Variants in ZMYND8 observed in about 807,000 individuals in gnomAD.
ZMYND8 encodes the protein MYND-type zinc finger-containing chromatin reader ZMYND8.
In ZMYND8, 37 loss-of-function variants were observed where a neutral mutation model predicts 140.8. That is an observed-to-expected ratio of 0.26 (90% CI 0.20 to 0.35). The LOEUF is 0.35. Ranked by LOEUF, ZMYND8 falls within the 10% of genes least tolerant of loss-of-function variation. The pLI is 1.00. For missense variants in ZMYND8, 1,068 were observed against 1,570.0 expected (o/e 0.68, Z 5.40); for synonymous variants, 592 against 597.1 (o/e 0.99, Z 0.12).
rs985108771 is a variant in ZMYND8, at chr20:47,298,223, G to A, written c.453+506C>T. 9.3e-6 allele frequency: 9 copies of A among 968,678 alleles called. No individual in the cohort carries two copies. Among genetic ancestry groups the A allele is most frequent in the East Asian group, 1.1e-4 (1 of 8,764 alleles). 60.0% of individuals were successfully genotyped at this position (968,678 alleles called of 1,614,324 possible). ...TCCATGCCTGTTTTTGTGCACTGTC[G>A]AATTCCCAGCACCTAATAGGCACTC... On this transcript the variant is annotated intron_variant, in intron 4 of 22. Transcript: ENST00000471951. This position sits in a 1 kb window ranked among gnomAD's most constrained non-coding sequence, Gnocchi z 5.0.
At chr20:47,354,474 G>A (rs1323482323) in intron 1 of ZMYND8, 2 of 152,118 alleles carry the variant, frequency 1.3e-5, no homozygotes, top group East Asian at 3.8e-4. Flanking sequence ...ACTTGTTTGG[G>A]GCAGTGGCAC....
chr20:47,293,097 G>A (rs1484426407), intron 5 of ZMYND8, among the ~76,000 whole-genome samples: 1 of 129,552 alleles, frequency 7.7e-6, no homozygotes, highest in African/African-American at 2.9e-5. Flanking sequence ...GGGAGGGAGG[G>A]AGGGACGAGG....
intron 10 of ZMYND8, among the ~76,000 whole-genome samples, chr20:47,279,084 C>T (rs1161740762): frequency 6.6e-6 from 1 of 152,176 alleles, no homozygotes; most frequent in Non-Finnish European, 1.5e-5. Context: ...CCACACACTT[C>T]TGTCCGGTAT....
Position 47,254,204 on chromosome 20 carries a change from A to G in ZMYND8, c.1622-4765T>C, listed in dbSNP as rs116495936. On this transcript the variant is annotated intron_variant, in intron 12 of 22. Coordinates refer to ENST00000471951, the MANE Select transcript of ZMYND8 (RefSeq NM_001281775.3). ...AGCTGATATGAAGACAGCTTAGGCT[A>G]TAAATGGAAACCAGGGATGAAAAAT... is the stretch of plus-strand genomic sequence containing the variant. Among the ~76,000 whole-genome samples the G allele has an allele frequency of 2.2e-3, 337 of 152,362 alleles. 1 individual carries two copies. Among genetic ancestry groups the G allele is most frequent in the African/African-American group, 7.7e-3 (320 of 41,590 alleles).
At chr20:47,280,433 A>T (rs532726498) in intron 10 of ZMYND8, among the ~76,000 whole-genome samples, 1 of 152,292 alleles carries the variant, frequency 6.6e-6, no homozygotes, top group Admixed American at 6.5e-5. Flanking sequence ...GTTTTGGGAA[A>T]CAGCTTCTGC....
intron 2 of ZMYND8, among the ~76,000 whole-genome samples, chr20:47,346,921 C>T (rs1208420152): frequency 6.6e-6 from 1 of 152,174 alleles, no homozygotes; most frequent in Non-Finnish European, 1.5e-5. Context: ...TGTCTTGTAA[C>T]AATCCTCAAA....
In ZMYND8 at chr20:47,218,313, G is replaced by A. The variant is rs529644744; in HGVS notation, c.3484+1945C>T. Among the ~76,000 whole-genome samples, 6 of 152,238 alleles carry A rather than the reference G, an allele frequency of 3.9e-5. No individual in the cohort carries two copies. In the South Asian group the frequency reaches 8.3e-4, roughly 21 times the overall value. On this transcript the variant is annotated intron_variant, in intron 21 of 22. Coordinates refer to ENST00000471951, the MANE Select transcript of ZMYND8 (RefSeq NM_001281775.3). ...TGCCATTTCAATCAAGCCACTTTGA[G>A]GCTCCAAAACCCTAACAGCACCCCT... is the stretch of plus-strand genomic sequence containing the variant.
intron 22 of ZMYND8, 40 bp from the exon 23 acceptor site, chr20:47,210,937 C>T: frequency 6.2e-7 from 1 of 1,600,546 alleles, no homozygotes; most frequent in Non-Finnish European, 8.5e-7. Context: ...GCCTGCCCAC[C>T]TGCGCCTGAG....
At chr20:47,270,797 G>A (rs574459081) in intron 11 of ZMYND8, among the ~76,000 whole-genome samples, 1 of 151,690 alleles carries the variant, frequency 6.6e-6, no homozygotes, top group Non-Finnish European at 1.5e-5. Flanking sequence ...ACAGAAATCG[G>A]CCGGGTGCAG....
In ZMYND8 at chr20:47,298,340, T is replaced by A; in HGVS notation, c.453+389A>T. On this transcript the variant is annotated intron_variant, in intron 4 of 22. Transcript: ENST00000471951. The surrounding 1 kb of genome is among the most constrained non-coding windows in gnomAD (Gnocchi z 5.0). Reference sequence around the variant, plus strand: ...GTCTTCTCAGCTTGGCTACTGCTGATGATTCAATGATGCGGCAGGCAACAA... The same window carrying A: ...GTCTTCTCAGCTTGGCTACTGCTGAAGATTCAATGATGCGGCAGGCAACAA... The A allele has an allele frequency of 1.0e-6, 1 of 985,408 alleles. No homozygotes were observed. Among genetic ancestry groups the A allele is most frequent in the Non-Finnish European group, 1.2e-6 (1 of 829,926 alleles). 61.0% of individuals were successfully genotyped at this position (985,408 alleles called of 1,614,324 possible).
intron 2 of ZMYND8, 111 bp from the exon 3 acceptor site, chr20:47,310,315 A>G: frequency 2.3e-6 from 3 of 1,318,418 alleles, no homozygotes; most frequent in Admixed American, 2.4e-5. Context: ...CTGTCCCCCA[A>G]CTCCCGAAGC....
At chr20:47,270,972 G>T (rs2075902972) in intron 11 of ZMYND8, among the ~76,000 whole-genome samples, 1 of 152,122 alleles carries the variant, frequency 6.6e-6, no homozygotes, top group African/African-American at 2.4e-5. Flanking sequence ...AGCTACTCGG[G>T]AGGCTGAGGC....
At position 47,209,809 on chromosome 20, in the gene ZMYND8, C is replaced by T. The variant is rs2035013693; in HGVS notation, c.*952G>A. The stretch of plus-strand genomic sequence containing the variant: ...CATGCTTACATAAAAACGTGAAATT[C>T]CATCATATAAATAATACGTACATGC... On this transcript the variant is annotated 3_prime_UTR_variant, in exon 23 of 23. Transcript: ENST00000471951. 1 of 152,590 alleles carries T rather than the reference C, an allele frequency of 6.6e-6. No individual in the cohort carries two copies. Among genetic ancestry groups the T allele is most frequent in the African/African-American group, 2.4e-5 (1 of 41,426 alleles). The allele number at this position is 152,590 out of a possible 1,614,324, so 9.5% of individuals were successfully genotyped here. A position where few individuals can be genotyped will look rare whatever the true frequency, so the allele number is the denominator to read the frequency against.
At chr20:47,279,087 TC>T (rs888554244) in intron 10 of ZMYND8, among the ~76,000 whole-genome samples, 5 of 152,020 alleles carry the variant, frequency 3.3e-5, no homozygotes, top group African/African-American at 7.3e-5. Flanking sequence ...CACACTTCTG[TC>T]CGGTATCTAA....
chr20:47,266,471 G>A (rs2075536359), intron 11 of ZMYND8, among the ~76,000 whole-genome samples: 1 of 151,998 alleles, frequency 6.6e-6, no homozygotes, highest in African/African-American at 2.4e-5. Context: ...AGTAGAGATG[G>A]GGGTTTCACC....
intron 10 of ZMYND8, among the ~76,000 whole-genome samples, chr20:47,281,751 A>C (rs2076619524): frequency 6.6e-6 from 1 of 152,212 alleles, no homozygotes; most frequent in Admixed American, 6.5e-5. Context: ...AATGATTTGG[A>C]AAGCAGTTTC....
chr20:47,274,709 T>G (rs1045314709), intron 11 of ZMYND8, among the ~76,000 whole-genome samples: 1 of 152,090 alleles, frequency 6.6e-6, no homozygotes, highest in African/African-American at 2.4e-5. Flanking sequence ...GAATCAGAAC[T>G]AGAGAAAGAT....
At chr20:47,325,965 A>G (rs1017977227) in intron 2 of ZMYND8, among the ~76,000 whole-genome samples, 1 of 149,856 alleles carries the variant, frequency 6.7e-6, no homozygotes, top group Non-Finnish European at 1.5e-5. Context: ...TTATTTATCT[A>G]TTTATTTTTT....
At chr20:47,241,555 C>A (rs1233336074) in intron 14 of ZMYND8, among the ~76,000 whole-genome samples, 2 of 151,886 alleles carry the variant, frequency 1.3e-5, no homozygotes, top group East Asian at 3.9e-4. Flanking sequence ...TGAGGGCAGG[C>A]AGGGAGGAGG....
Sources: allele counts gnomAD v4.1 joint callset (sites outside exome capture counted in the v4.1 genomes callset), GRCh38; gene constraint gnomAD v4.1.1; non-coding constraint Gnocchi (gnomAD v3.1); transcripts MANE v1.5; gene names NCBI Gene and HGNC (gene_info 2026-07-23, HGNC 2026-07-21).